The following DHX30 variants were observed in gnomAD, a reference collection of about 807,000 sequenced individuals.
The protein encoded by DHX30 is DExH-box helicase 30.
A neutral mutation model predicts 116.9 loss-of-function variants in DHX30; 4 were observed. The ratio of observed to expected loss-of-function variants is 0.03; its 90% CI spans 0.02 to 0.08. DHX30 has a LOEUF of 0.08. Among genes scored for constraint, DHX30 ranks in the 10% least tolerant of loss-of-function variants. The pLI, the probability that DHX30 is intolerant of heterozygous loss-of-function variation, is 1.00. For synonymous variants in DHX30, 697 were observed against 651.7 expected (o/e 1.07, Z -1.06); for missense variants, 871 against 1,595.1 (o/e 0.55, Z 7.73).
Position 47,841,859 on chromosome 3 carries a change from G to A in DHX30, c.789+122G>A. 4 of 1,368,602 alleles carry A rather than the reference G, an allele frequency of 2.9e-6. No homozygotes were observed. In the South Asian group the frequency reaches 3.8e-5, roughly 13 times the overall value. 84.8% of individuals were successfully genotyped at this position (1,368,602 alleles called of 1,614,324 possible). On this transcript the variant is annotated intron_variant, in intron 8 of 21. Transcript: ENST00000445061. ...TTCCTCCAGCCCAAACCTAGGCCAG[G>A]TGGAGGAACTCCTGCTTGGGAGGAA...
intron 9 of DHX30, chr3:47,845,411 C>T (rs1386201031): frequency 2.4e-5 from 5 of 207,570 alleles, no homozygotes; most frequent in Non-Finnish European, 3.8e-5. Flanking sequence ...GGTCTCGAAC[C>T]CCTGACCTCA....
intron 4 of DHX30, among the ~76,000 whole-genome samples, chr3:47,825,711 G>C (rs918704199): frequency 2.6e-5 from 4 of 152,234 alleles, no homozygotes; most frequent in African/African-American, 9.6e-5. Flanking sequence ...ATCAAGGATG[G>C]GTAGAGAGCG....
intron 4 of DHX30, among the ~76,000 whole-genome samples, chr3:47,825,740 A>G (rs1439598448): frequency 6.6e-6 from 1 of 152,118 alleles, no homozygotes; most frequent in Non-Finnish European, 1.5e-5. Context: ...CACCAACCTT[A>G]TAGAGCTGAA....
At chr3:47,807,703 CAAAAA>C (rs1202083372) in intron 2 of DHX30, among the ~76,000 whole-genome samples, 3 of 32,732 alleles carry the variant, frequency 9.2e-5, no homozygotes, top group African/African-American at 2.6e-4. Context: ...GACTCTGTCT[CAAAAA>C]AAAAAAAAAA....
At chr3:47,831,324 A>G (rs998247067) in intron 6 of DHX30, among the ~76,000 whole-genome samples, 1 of 151,990 alleles carries the variant, frequency 6.6e-6, no homozygotes, top group Non-Finnish European at 1.5e-5. Flanking sequence ...GAACTCAGTC[A>G]TTACTGTGGG....
intron 2 of DHX30, among the ~76,000 whole-genome samples, chr3:47,809,943 C>A (rs2035717008): frequency 6.6e-6 from 1 of 152,118 alleles, no homozygotes; most frequent in Non-Finnish European, 1.5e-5. Context: ...ATTGTTAAAC[C>A]AGATGTGTTG....
chr3:47,807,969 G>A (rs1292753497), intron 2 of DHX30, among the ~76,000 whole-genome samples: 2 of 151,828 alleles, frequency 1.3e-5, no homozygotes, highest in Non-Finnish European at 2.9e-5. Context: ...GCAGTGCAGT[G>A]GCGCAATCTC....
chr3:47,821,612 T>C (rs1436961597), intron 4 of DHX30, among the ~76,000 whole-genome samples: 1 of 151,354 alleles, frequency 6.6e-6, no homozygotes, highest in East Asian at 2.0e-4. Context: ...ATTGATTGAT[T>C]GATTGAGATG....
At chr3:47,824,932 C>T (rs544436225) in intron 4 of DHX30, 149 of 488,480 alleles carry the variant, frequency 3.1e-4, no homozygotes, top group African/African-American at 2.8e-3. Flanking sequence ...TAGGCTTGGG[C>T]TTCGGGTCCG....
rs754148008 is a variant in DHX30, at chr3:47,827,337, A to C, written c.125-10A>C. 6.3e-7 allele frequency: 1 copy of C among 1,596,434 alleles called. No individual in the cohort carries two copies. Among genetic ancestry groups the C allele is most frequent in the African/African-American group, 1.4e-5 (1 of 73,610 alleles). On this transcript the variant is annotated splice_polypyrimidine_tract_variant and intron_variant, in intron 4 of 21. Transcript: ENST00000445061. ...GAACAACTGTAATGCTTTTGTTCTT[A>C]TTTTCTTAGCTTCTAGGGACCTATT...
At position 47,848,174 on chromosome 3, in the gene DHX30, C is replaced by T. The variant is rs1364648089; in HGVS notation, c.2287-6C>T. On this transcript the variant is annotated splice_polypyrimidine_tract_variant and splice_region_variant and intron_variant, in intron 14 of 21. Transcript: ENST00000445061. This position sits in a 1 kb window ranked among gnomAD's most constrained non-coding sequence, Gnocchi z 9.4. Reference sequence around the variant, plus strand: ...TTGTGTGCTGCTTACTTGCCACCTCCTCCAGGTGTCCTGCCTGGAGACAGT... The same window carrying T: ...TTGTGTGCTGCTTACTTGCCACCTCTTCCAGGTGTCCTGCCTGGAGACAGT... 1.2e-6 allele frequency: 2 copies of T among 1,613,592 alleles called. No individual in the cohort carries two copies. Among genetic ancestry groups the T allele is most frequent in the Non-Finnish European group, 1.7e-6 (2 of 1,179,952 alleles).
chr3:47,848,012 G>T lies in DHX30; in HGVS notation c.2286+56G>T. 3 of 1,603,710 alleles carry T rather than the reference G, an allele frequency of 1.9e-6. No individual in the cohort carries two copies. Among genetic ancestry groups the T allele is most frequent in the Non-Finnish European group, 2.6e-6 (3 of 1,172,746 alleles). On this transcript the variant is annotated intron_variant, in intron 14 of 21. Transcript: ENST00000445061. This position sits in a 1 kb window ranked among gnomAD's most constrained non-coding sequence, Gnocchi z 9.4. ...ACTGGGGGAGGGACTCCGTTTTGAG[G>T]TGGTCCCCAGCCCAGATCTACCTTA...
At chr3:47,820,237 G>A (rs1008010562) in intron 4 of DHX30, among the ~76,000 whole-genome samples, 5 of 152,088 alleles carry the variant, frequency 3.3e-5, no homozygotes, top group African/African-American at 9.6e-5. Flanking sequence ...TTGCTTGAAC[G>A]CAGGAGGCGG....
chr3:47,826,844 G>C (rs2036575744), intron 4 of DHX30, among the ~76,000 whole-genome samples: 1 of 152,174 alleles, frequency 6.6e-6, no homozygotes, highest in Admixed American at 6.5e-5. Context: ...GCTGGGGCCT[G>C]GTATTCAGCA....
intron 7 of DHX30, 133 bp from the exon 8 acceptor site, chr3:47,841,484 C>T (rs1033291261): frequency 7.8e-7 from 1 of 1,278,700 alleles, no homozygotes; most frequent in African/African-American, 1.5e-5. Context: ...CGCCCGGTTT[C>T]CCATCCATTT....
intron 7 of DHX30, 97 bp from the exon 8 acceptor site, chr3:47,841,520 T>C: frequency 2.6e-6 from 4 of 1,541,648 alleles, no homozygotes; most frequent in South Asian, 1.2e-5. Flanking sequence ...TCTGGCTCCC[T>C]GCTGCAGCGC....
At chr3:47,843,397 G>C in intron 9 of DHX30, 142 bp downstream of exon 9, 7 of 1,174,308 alleles carry the variant, frequency 6.0e-6, no homozygotes, top group Non-Finnish European at 7.1e-6. Flanking sequence ...TGGTATGCAG[G>C]CCTCGCTTGT....
intron 4 of DHX30, among the ~76,000 whole-genome samples, chr3:47,821,539 G>A (rs1182787352): frequency 6.6e-6 from 1 of 152,172 alleles, no homozygotes; most frequent in Non-Finnish European, 1.5e-5. Context: ...AAAGTGTTGG[G>A]ATTACAGGCA....
chr3:47,832,011 A>C (rs1023680379), intron 6 of DHX30, among the ~76,000 whole-genome samples: 28 of 145,188 alleles, frequency 1.9e-4, no homozygotes, highest in African/African-American at 6.6e-4. Context: ...TTCTTAATGA[A>C]TGGTTATATC....
Sources: allele counts gnomAD v4.1 joint callset (sites outside exome capture counted in the v4.1 genomes callset), GRCh38; gene constraint gnomAD v4.1.1; non-coding constraint Gnocchi (gnomAD v3.1); transcripts MANE v1.5; gene names NCBI Gene and HGNC (gene_info 2026-07-23, HGNC 2026-07-21).